The following PTPRR variants were observed in gnomAD, a reference collection of about 807,000 sequenced individuals.
The protein encoded by PTPRR is protein tyrosine phosphatase receptor type R.
In PTPRR, 38 loss-of-function variants were observed where a neutral mutation model predicts 77.2. The ratio of observed to expected loss-of-function variants is 0.49; its 90% CI spans 0.38 to 0.65. The LOEUF (loss-of-function observed/expected upper bound fraction) is 0.65. Ranked by LOEUF, PTPRR falls within the 30% of genes least tolerant of loss-of-function variation. The probability of loss-of-function intolerance (pLI) is 0.00; values close to 1 mark genes in which losing one functional copy is unlikely to be tolerated. For synonymous variants in PTPRR, 299 were observed against 283.1 expected (o/e 1.06, Z -0.57); for missense variants, 744 against 799.2 (o/e 0.93, Z 0.83).
chr12:70,689,456 A>G (rs1411642427), intron 8 of PTPRR, among the ~76,000 whole-genome samples: 1 of 152,206 alleles, frequency 6.6e-6, no homozygotes, highest in Non-Finnish European at 1.5e-5. Flanking sequence ...TTTGTAATGT[A>G]GAAAGACTTC....
chr12:70,706,924 T>A (rs1888639133), intron 6 of PTPRR, among the ~76,000 whole-genome samples: 1 of 152,142 alleles, frequency 6.6e-6, no homozygotes, highest in East Asian at 1.9e-4. Context: ...TCCACCCTAA[T>A]GTCTGGGATA....
intron 2 of PTPRR, among the ~76,000 whole-genome samples, chr12:70,854,899 A>C (rs1163643102): frequency 6.6e-6 from 1 of 152,198 alleles, no homozygotes; most frequent in Non-Finnish European, 1.5e-5. Context: ...ATGCTTGATA[A>C]ATATTAGCTG....
intron 13 of PTPRR, among the ~76,000 whole-genome samples, chr12:70,655,221 C>A (rs1233723109): frequency 2.0e-5 from 3 of 152,000 alleles, no homozygotes; most frequent in African/African-American, 7.3e-5. Context: ...TGGCTACTAT[C>A]AAAAAAAGCA....
At chr12:70,649,718 G>C (rs1423180442) in intron 13 of PTPRR, among the ~76,000 whole-genome samples, 1 of 152,096 alleles carries the variant, frequency 6.6e-6, no homozygotes, top group African/African-American at 2.4e-5. Context: ...GGGACTACAG[G>C]TGTGCACCAC....
intron 2 of PTPRR, among the ~76,000 whole-genome samples, chr12:70,874,625 T>C (rs1442760709): frequency 6.6e-6 from 1 of 152,152 alleles, no homozygotes; most frequent in Non-Finnish European, 1.5e-5. Flanking sequence ...ATATAACTTT[T>C]GTTAAAAAGC....
chr12:70,754,276 T>G lies in PTPRR; in HGVS notation c.653A>C (p.Glu218Ala). 6.2e-7 allele frequency: 1 copy of G among 1,613,784 alleles called. No individual in the cohort carries two copies. Among genetic ancestry groups the G allele is most frequent in the Non-Finnish European group, 8.5e-7 (1 of 1,179,830 alleles). ...TTCTTTGCTCCAGATTTTGTCCGCT[T>G]CATGCTGCCCTTGTAAAACATTTTT... The part of the protein sequence containing the change: ...PEKNVLQGQH[E>A]ADKIWSKEGF... The change falls in exon 5 of 14, where the codon GAA (glutamate) becomes GCA (alanine). Residue 218 changes from glutamate (E) to alanine (A), a missense_variant. Around this residue, in one of 3 missense-constraint regions of PTPRR, gnomAD observed 570 missense variants for 573.2 expected, o/e 0.99. Coordinates refer to ENST00000283228, the MANE Select transcript of PTPRR (RefSeq NM_002849.4).
intron 2 of PTPRR, among the ~76,000 whole-genome samples, chr12:70,823,672 G>A (rs923780668): frequency 2.0e-5 from 3 of 152,158 alleles, no homozygotes; most frequent in Admixed American, 6.5e-5. Flanking sequence ...CTAGTTCTCT[G>A]GAAGAGAACA....
intron 2 of PTPRR, among the ~76,000 whole-genome samples, chr12:70,774,012 C>A (rs1016686644): frequency 3.9e-5 from 6 of 152,214 alleles, no homozygotes; most frequent in Admixed American, 3.9e-4. Context: ...ACTCAGTACA[C>A]CTGGTCATCC....
intron 13 of PTPRR, among the ~76,000 whole-genome samples, chr12:70,641,269 T>A (rs549338810): frequency 1.6e-3 from 249 of 152,344 alleles, no homozygotes; most frequent in Non-Finnish European, 2.5e-3. Flanking sequence ...GCAGACAGTA[T>A]GTGGAAGCTT....
At chr12:70,766,101 G>C (rs906785364) in intron 2 of PTPRR, among the ~76,000 whole-genome samples, 1 of 152,192 alleles carries the variant, frequency 6.6e-6, no homozygotes, top group Admixed American at 6.5e-5. Context: ...CTAAAAAGCA[G>C]AGCGCCTCTC....
At chr12:70,827,587 C>T (rs565949747) in intron 2 of PTPRR, among the ~76,000 whole-genome samples, 1 of 151,054 alleles carries the variant, frequency 6.6e-6, no homozygotes, top group African/African-American at 2.4e-5. Context: ...ACTATGTTAC[C>T]CAGGCTGGAG....
intron 2 of PTPRR, among the ~76,000 whole-genome samples, chr12:70,783,154 C>G (rs540574450): frequency 1.3e-5 from 2 of 152,200 alleles, no homozygotes; most frequent in African/African-American, 2.4e-5. Context: ...GGTATGCAGA[C>G]AAGTGAAGGG....
chr12:70,717,767 C>T (rs76479863), intron 6 of PTPRR, among the ~76,000 whole-genome samples: 7,503 of 152,100 alleles, frequency 0.049, 637 homozygotes, highest in African/African-American at 0.17. Context: ...TTCCTGTGTG[C>T]ATGGCAGGGA....
At chr12:70,692,936 T>C (rs1383968328) in intron 8 of PTPRR, among the ~76,000 whole-genome samples, 2 of 152,218 alleles carry the variant, frequency 1.3e-5, no homozygotes, top group African/African-American at 2.4e-5. Flanking sequence ...CTTTGTGATT[T>C]CTATTTGGGA....
At chr12:70,741,767 G>C (rs1890054081) in intron 6 of PTPRR, among the ~76,000 whole-genome samples, 1 of 152,192 alleles carries the variant, frequency 6.6e-6, no homozygotes, top group South Asian at 2.1e-4. Context: ...CGGCTGCTTT[G>C]TGGGTGCAGG....
chr12:70,786,531 A>G (rs1303794332), intron 2 of PTPRR, among the ~76,000 whole-genome samples: 1 of 152,136 alleles, frequency 6.6e-6, no homozygotes, highest in Admixed American at 6.5e-5. Context: ...ATAGGAATAG[A>G]CTCTTTTGGG....
chr12:70,729,573 G>T (rs1460228394), intron 6 of PTPRR, among the ~76,000 whole-genome samples: 1 of 152,044 alleles, frequency 6.6e-6, no homozygotes, highest in African/African-American at 2.4e-5. Context: ...TTGGCCTTTT[G>T]AGAGGCCCCC....
intron 2 of PTPRR, among the ~76,000 whole-genome samples, chr12:70,888,352 C>T (rs1053353780): frequency 6.6e-6 from 1 of 152,100 alleles, no homozygotes; most frequent in African/African-American, 2.4e-5. Flanking sequence ...ATAATATTTT[C>T]CCACTCACTT....
At chr12:70,702,944 T>C (rs1888484061) in intron 6 of PTPRR, among the ~76,000 whole-genome samples, 7 of 152,156 alleles carry the variant, frequency 4.6e-5, no homozygotes, top group Admixed American at 4.6e-4. Flanking sequence ...TTCATAAGTA[T>C]CTATCTGCAC....
Sources: allele counts gnomAD v4.1 joint callset (sites outside exome capture counted in the v4.1 genomes callset), GRCh38; gene constraint gnomAD v4.1.1; regional missense constraint gnomAD v4.1.1; transcripts MANE v1.5; gene names NCBI Gene and HGNC (gene_info 2026-07-23, HGNC 2026-07-21).